AGBL1: variants seen among roughly 807,000 people sequenced by gnomAD.
AGBL1 encodes the protein cytosolic carboxypeptidase 4.
AGBL1 carries 130 observed loss-of-function variants against 118.9 expected under a neutral mutation model. That is an observed-to-expected ratio of 1.09 (90% CI 0.95 to 1.26). The LOEUF (loss-of-function observed/expected upper bound fraction) is 1.26, where lower values mean the gene tolerates loss of function less well. Ranked by LOEUF, AGBL1 falls within the 50% of genes most tolerant of loss-of-function variation. The probability of loss-of-function intolerance (pLI) is 0.00; values close to 1 mark genes in which losing one functional copy is unlikely to be tolerated. For synonymous variants in AGBL1, 555 were observed against 478.9 expected (o/e 1.16, Z -2.08); for missense variants, 1,584 against 1,298.1 (o/e 1.22, Z -3.38).
intron 24 of AGBL1, among the ~76,000 whole-genome samples, chr15:87,027,026 G>A (rs971024041): frequency 6.6e-6 from 1 of 151,944 alleles, no homozygotes; most frequent in Non-Finnish European, 1.5e-5. Context: ...ACTACAAATA[G>A]CGTGCAGTGC....
At chr15:86,625,324 T>C (rs1380627078) in intron 21 of AGBL1, among the ~76,000 whole-genome samples, 2 of 151,048 alleles carry the variant, frequency 1.3e-5, no homozygotes, top group Non-Finnish European at 3.0e-5. Flanking sequence ...TTACTTTCTC[T>C]TTTTTTGGCT....
chr15:86,930,257 C>G (rs563972451), intron 23 of AGBL1, among the ~76,000 whole-genome samples: 8 of 152,264 alleles, frequency 5.3e-5, no homozygotes, highest in African/African-American at 1.9e-4. Context: ...CTCTGAAAAA[C>G]CCTCCAGAGT....
At chr15:86,640,577 G>A (rs1010673342) in intron 21 of AGBL1, among the ~76,000 whole-genome samples, 2 of 151,744 alleles carry the variant, frequency 1.3e-5, no homozygotes, top group Non-Finnish European at 2.9e-5. Context: ...TTATTTTGTT[G>A]GTAAAATAAT....
chr15:86,222,598 G>A (rs1029858522), intron 5 of AGBL1, among the ~76,000 whole-genome samples: 9 of 152,036 alleles, frequency 5.9e-5, no homozygotes, highest in African/African-American at 2.2e-4. Context: ...ATTGGACTTT[G>A]GCCTCAAATC....
chr15:87,030,864 GC>G (rs1314284844), downstream of AGBL1, among the ~76,000 whole-genome samples: 1 of 151,820 alleles, frequency 6.6e-6, no homozygotes, highest in Admixed American at 6.6e-5. Context: ...CCAAGCCACA[GC>G]CTCTCACCCA....
At chr15:86,837,294 G>A (rs1405206353) in intron 22 of AGBL1, among the ~76,000 whole-genome samples, 4 of 151,136 alleles carry the variant, frequency 2.6e-5, no homozygotes, top group African/African-American at 9.7e-5. Context: ...GGACGTTCTA[G>A]TACCAATTGA....
chr15:86,551,712 T>G (rs1295761369), intron 20 of AGBL1, among the ~76,000 whole-genome samples: 1 of 152,164 alleles, frequency 6.6e-6, no homozygotes, highest in Non-Finnish European at 1.5e-5. Context: ...GAGGTCTGTG[T>G]TATCCTGATA....
chr15:86,376,842 A>G (rs117281012), intron 17 of AGBL1, among the ~76,000 whole-genome samples: 1 of 152,354 alleles, frequency 6.6e-6, no homozygotes, highest in Non-Finnish European at 1.5e-5. Context: ...GGTCTCCTCT[A>G]TGTAGCCAAA....
chr15:87,000,459 T>G (rs936928079), intron 24 of AGBL1, among the ~76,000 whole-genome samples: 4 of 117,882 alleles, frequency 3.4e-5, no homozygotes, highest in African/African-American at 7.0e-5. Flanking sequence ...TAGCCAGTTT[T>G]CCCAGCACCA....
At chr15:86,092,838 C>A (rs77251394) in intron 1 of AGBL1, among the ~76,000 whole-genome samples, 1,770 of 152,106 alleles carry the variant, frequency 0.012, 13 homozygotes, top group East Asian at 0.023. Context: ...AACTCACTCC[C>A]GAGATAATAA....
At chr15:86,551,975 TGGAA>T (rs558392639) in intron 20 of AGBL1, among the ~76,000 whole-genome samples, 2 of 152,070 alleles carry the variant, frequency 1.3e-5, no homozygotes, top group Non-Finnish European at 2.9e-5. Context: ...GCCAGGAGTT[TGGAA>T]GGAAGGAAGG....
intron 21 of AGBL1, among the ~76,000 whole-genome samples, chr15:86,595,496 C>T (rs1214148793): frequency 3.3e-5 from 5 of 152,118 alleles, no homozygotes; most frequent in Non-Finnish European, 7.4e-5. Context: ...TTCAAATTCT[C>T]TTGTCTTTAC....
rs1251908532 is a variant in AGBL1, at chr15:86,644,050, A to G, written c.2995-30223A>G. Among the ~76,000 whole-genome samples, 5 of 151,872 alleles carry G rather than the reference A, an allele frequency of 3.3e-5. No individual in the cohort carries two copies. In the East Asian group the frequency reaches 9.6e-4, roughly 29 times the overall value. ...TTAAACTATTCTTTGGAGACTTAAAAAAATTTAACGTTTAAGTGGTATAAA... is the reference window on the plus strand; with the variant it reads ...TTAAACTATTCTTTGGAGACTTAAAGAAATTTAACGTTTAAGTGGTATAAA... On this transcript the variant is annotated intron_variant, in intron 21 of 22. Coordinates refer to ENST00000614907, the MANE Select transcript of AGBL1 (RefSeq NM_001386094.1).
intron 6 of AGBL1, among the ~76,000 whole-genome samples, chr15:86,244,474 T>C (rs1334461444): frequency 3.3e-5 from 5 of 152,214 alleles, no homozygotes; most frequent in Non-Finnish European, 2.9e-5. Context: ...TATTGACTTT[T>C]GCACAACTTC....
At position 86,243,122 on chromosome 15, in the gene AGBL1, G is replaced by A. The variant is rs144835537; in HGVS notation, c.527-4549G>A. 9.3e-3 allele frequency among the ~76,000 whole-genome samples: 1,422 copies of A among 152,248 alleles called. 12 individuals carry two copies. The highest frequency in any genetic ancestry group is 0.033 in the African/African-American group (1,375 of 41,534). On this transcript the variant is annotated intron_variant, in intron 6 of 22. Coordinates refer to ENST00000614907, the MANE Select transcript of AGBL1 (RefSeq NM_001386094.1). The stretch of plus-strand genomic sequence containing the variant: ...GTGGCTAATAGTCTGTAGGTTACCA[G>A]TTTGTAACATCAAAAGGATACATTT...
chr15:86,463,890 T>A (rs910007049), intron 18 of AGBL1, among the ~76,000 whole-genome samples: 6 of 152,204 alleles, frequency 3.9e-5, no homozygotes, highest in Non-Finnish European at 5.9e-5. Flanking sequence ...TCCAGCTTCA[T>A]CCTTTTTGCT....
At chr15:86,771,501 C>T (rs2078180338) in intron 22 of AGBL1, among the ~76,000 whole-genome samples, 1 of 151,924 alleles carries the variant, frequency 6.6e-6, no homozygotes, top group Admixed American at 6.6e-5. Flanking sequence ...CTTTCCTATA[C>T]AGACTTGCAT....
chr15:86,764,183 C>A (rs78618596), intron 22 of AGBL1, among the ~76,000 whole-genome samples: 1,534 of 152,040 alleles, frequency 0.01, 36 homozygotes, highest in African/African-American at 0.035. Context: ...TTGAACCTTA[C>A]AATATACACG....
intron 18 of AGBL1, among the ~76,000 whole-genome samples, chr15:86,428,802 AG>A (rs754890611): frequency 3.9e-5 from 6 of 152,362 alleles, no homozygotes; most frequent in Admixed American, 6.5e-5. Context: ...CCAAAAGCAA[AG>A]GAATACATGA....
Sources: allele counts gnomAD v4.1 joint callset (sites outside exome capture counted in the v4.1 genomes callset), GRCh38; gene constraint gnomAD v4.1.1; transcripts MANE v1.5; gene names NCBI Gene and HGNC (gene_info 2026-07-23, HGNC 2026-07-21).